Variants in ZNF148 observed in about 807,000 individuals in gnomAD.
The protein encoded by ZNF148 is Beta-Enolase Repressor Factor-1.
In ZNF148, 7 loss-of-function variants were observed where a neutral mutation model predicts 67.7. The ratio of observed to expected loss-of-function variants is 0.10; its 90% CI spans 0.06 to 0.19. The LOEUF is 0.19. ZNF148 is among the 10% of genes least tolerant of loss of function. The pLI is 1.00. For missense variants in ZNF148, 583 were observed against 947.1 expected (o/e 0.62, Z 5.05); for synonymous variants, 333 against 330.7 (o/e 1.01, Z -0.08).
At chr3:125,335,322 C>CA (rs1175651843) in intron 1 of ZNF148, among the ~76,000 whole-genome samples, 1 of 152,074 alleles carries the variant, frequency 6.6e-6, no homozygotes, top group Admixed American at 6.6e-5. Context: ...GAAGCTTAAC[C>CA]ACCATACAAC....
At position 125,331,227 on chromosome 3, in the gene ZNF148, C is replaced by A. The variant is rs965900414; in HGVS notation, c.-222G>T. The A allele has an allele frequency of 5.0e-6, 2 of 398,408 alleles. No homozygotes were observed. Among genetic ancestry groups the A allele is most frequent in the African/African-American group, 4.1e-5 (2 of 48,618 alleles). The allele number at this position is 398,408 out of a possible 1,614,324, so 24.7% of individuals were successfully genotyped here. On this transcript the variant is annotated 5_prime_UTR_variant, in exon 2 of 9. Transcript: ENST00000360647. Reference sequence around the variant, plus strand: ...TGCTTGAATTTCCAAGCTGCTGATTCCTCCCTCTATCCTACAAAAGTACAC... The same window carrying A: ...TGCTTGAATTTCCAAGCTGCTGATTACTCCCTCTATCCTACAAAAGTACAC...
chr3:125,225,690 AT>A lies in ZNF148; in HGVS notation c.*6650del, dbSNP rs748238907. On this transcript the variant is annotated 3_prime_UTR_variant, in exon 9 of 9. Transcript: ENST00000360647. ...TTAATTCAAGTGACTTCAATTTTTTATTTTTTCTTATAATCTTTAGAAGATT... is the reference window on the plus strand; with the variant it reads ...TTAATTCAAGTGACTTCAATTTTTTATTTTTCTTATAATCTTTAGAAGATT... The A allele has an allele frequency of 6.6e-6, 1 of 152,120 alleles. No homozygotes were observed. Among genetic ancestry groups the A allele is most frequent in the Non-Finnish European group, 1.5e-5 (1 of 68,016 alleles). 9.4% of individuals were successfully genotyped at this position (152,120 alleles called of 1,614,324 possible).
chr3:125,258,820 A>C (rs1010273133), intron 7 of ZNF148, among the ~76,000 whole-genome samples: 31 of 152,196 alleles, frequency 2.0e-4, no homozygotes, highest in African/African-American at 6.3e-4. Flanking sequence ...AATATTTAAA[A>C]ATTCATAATG....
intron 4 of ZNF148, chr3:125,311,385 C>T (rs184389902): frequency 2.1e-4 from 32 of 152,478 alleles, no homozygotes; most frequent in African/African-American, 7.2e-4. Flanking sequence ...AAAATGAGAA[C>T]TCATACCTTT....
chr3:125,367,003 T>C (rs536441760), intron 1 of ZNF148, among the ~76,000 whole-genome samples: 3 of 152,344 alleles, frequency 2.0e-5, no homozygotes, highest in South Asian at 2.1e-4. Flanking sequence ...TTTGTGATTA[T>C]AGTACAGGTA....
intron 7 of ZNF148, among the ~76,000 whole-genome samples, chr3:125,237,815 T>C (rs559990095): frequency 1.4e-4 from 21 of 152,252 alleles, no homozygotes; most frequent in Non-Finnish European, 2.5e-4. Flanking sequence ...AAAATTCGCA[T>C]CTAAAAGAGC....
At chr3:125,251,900 T>C (rs923740970) in intron 7 of ZNF148, among the ~76,000 whole-genome samples, 3 of 152,196 alleles carry the variant, frequency 2.0e-5, no homozygotes, top group African/African-American at 7.2e-5. Flanking sequence ...TTTACAGACT[T>C]GCCAGCAGTA....
chr3:125,275,711 CA>C (rs1938021871), intron 7 of ZNF148, among the ~76,000 whole-genome samples: 1 of 152,124 alleles, frequency 6.6e-6, no homozygotes, highest in African/African-American at 2.4e-5. Flanking sequence ...TGCTTAAATC[CA>C]AGATTCCCCA....
At chr3:125,315,007 A>C (rs1022255866) in intron 3 of ZNF148, 1 of 152,392 alleles carries the variant, frequency 6.6e-6, no homozygotes, top group Admixed American at 6.5e-5. Flanking sequence ...GGCTGCAGTG[A>C]GCTGTGACTG....
At chr3:125,308,498 T>C (rs1475454934) in intron 4 of ZNF148, among the ~76,000 whole-genome samples, 1 of 139,970 alleles carries the variant, frequency 7.1e-6, no homozygotes, top group African/African-American at 2.7e-5. Flanking sequence ...ATCAATGCAA[T>C]CTCAATCAGA....
intron 2 of ZNF148, among the ~76,000 whole-genome samples, chr3:125,325,060 ATATC>A (rs1192685634): frequency 6.6e-6 from 1 of 152,206 alleles, no homozygotes; most frequent in African/African-American, 2.4e-5. Flanking sequence ...ATTATGTAAA[ATATC>A]TATTATACAT....
chr3:125,292,189 T>C (rs1318648592), intron 4 of ZNF148, among the ~76,000 whole-genome samples: 2 of 152,168 alleles, frequency 1.3e-5, no homozygotes, highest in African/African-American at 4.8e-5. Flanking sequence ...CACTGATGGA[T>C]AGGCCTGTGT....
chr3:125,290,170 C>G (rs561213899), intron 4 of ZNF148, among the ~76,000 whole-genome samples: 23 of 152,294 alleles, frequency 1.5e-4, no homozygotes, highest in Non-Finnish European at 2.5e-4. Context: ...CACTTTGATA[C>G]TACAGAAGCG....
chr3:125,366,717 C>T (rs1942714776), intron 1 of ZNF148, among the ~76,000 whole-genome samples: 1 of 152,076 alleles, frequency 6.6e-6, no homozygotes, highest in East Asian at 1.9e-4. Flanking sequence ...AAATTAAAAC[C>T]TAACTCACCA....
At chr3:125,242,481 A>G (rs1579599179) in intron 7 of ZNF148, among the ~76,000 whole-genome samples, 1 of 152,010 alleles carries the variant, frequency 6.6e-6, no homozygotes, top group South Asian at 2.1e-4. Context: ...AACTTAGCCA[A>G]GCGTGGTGGC....
intron 1 of ZNF148, among the ~76,000 whole-genome samples, chr3:125,362,542 C>CT (rs201408443): frequency 3.4e-5 from 5 of 148,624 alleles, no homozygotes; most frequent in African/African-American, 1.2e-4. Flanking sequence ...AGTCCTTACC[C>CT]TTTTTTTGTT....
At chr3:125,280,008 G>C (rs1056557372) in intron 5 of ZNF148, among the ~76,000 whole-genome samples, 2 of 151,630 alleles carry the variant, frequency 1.3e-5, no homozygotes, top group Non-Finnish European at 2.9e-5. Flanking sequence ...AAAAAAAAGA[G>C]AACACTAACT....
intron 3 of ZNF148, among the ~76,000 whole-genome samples, chr3:125,318,099 G>T (rs1940605106): frequency 6.6e-6 from 1 of 151,966 alleles, no homozygotes; most frequent in Non-Finnish European, 1.5e-5. Flanking sequence ...TATTGTCCTT[G>T]CACCTCCCTT....
At chr3:125,373,354 G>T (rs1432752464) in intron 1 of ZNF148, among the ~76,000 whole-genome samples, 1 of 151,666 alleles carries the variant, frequency 6.6e-6, no homozygotes, top group African/African-American at 2.4e-5. Context: ...GCCTCCCAAA[G>T]TGCTGGGATT....
Sources: gnomAD v4.1 joint callset for allele counts (sites outside exome capture counted in the v4.1 genomes callset) on GRCh38, gnomAD v4.1.1 for gene constraint, MANE v1.5 for transcripts, NCBI Gene and HGNC (gene_info 2026-07-23, HGNC 2026-07-21) for gene names.